RNGTT: variants seen among roughly 807,000 people sequenced by gnomAD.
RNGTT encodes the protein RNA guanylyltransferase and 5'-phosphatase.
Under a neutral mutation model 79.3 loss-of-function variants are expected in RNGTT, and 33 were observed. That is an observed-to-expected ratio of 0.42 (90% CI 0.32 to 0.56). The LOEUF (loss-of-function observed/expected upper bound fraction) is 0.56. Among genes scored for constraint, RNGTT ranks in the 20% least tolerant of loss-of-function variants. The probability of loss-of-function intolerance (pLI) is 0.17; values close to 1 mark genes in which losing one functional copy is unlikely to be tolerated. For missense variants in RNGTT, 497 were observed against 739.1 expected (o/e 0.67, Z 3.80); for synonymous variants, 222 against 235.9 (o/e 0.94, Z 0.54).
intron 13 of RNGTT, among the ~76,000 whole-genome samples, chr6:88,710,138 T>C (rs1776269603): frequency 6.6e-6 from 1 of 152,218 alleles, no homozygotes; most frequent in African/African-American, 2.4e-5. Flanking sequence ...AGTGCACCTA[T>C]AGTCCCAGCT....
At chr6:88,769,703 T>C (rs528673479) in intron 13 of RNGTT, 71 bp downstream of exon 13, 147 of 825,108 alleles carry the variant, frequency 1.8e-4, no homozygotes, top group Admixed American at 5.2e-4. Context: ...ATATATGAAA[T>C]ACCCTGTAAA....
chr6:88,706,261 G>C (rs1776127011), intron 13 of RNGTT, among the ~76,000 whole-genome samples: 1 of 151,998 alleles, frequency 6.6e-6, no homozygotes, highest in Non-Finnish European at 1.5e-5. Flanking sequence ...AAATAACTCT[G>C]TATTTGGTGG....
At chr6:88,632,233 A>G (rs1772918452) in intron 14 of RNGTT, among the ~76,000 whole-genome samples, 1 of 152,292 alleles carries the variant, frequency 6.6e-6, no homozygotes, top group Non-Finnish European at 1.5e-5. Context: ...AAGTGCTGTG[A>G]TTACAGACAT....
chr6:88,615,510 TA>T (rs1470113146), intron 14 of RNGTT, among the ~76,000 whole-genome samples: 1 of 152,180 alleles, frequency 6.6e-6, no homozygotes, highest in Admixed American at 6.5e-5. Flanking sequence ...AAAAAAGTGA[TA>T]TTCCAAGTAG....
At chr6:88,930,129 T>C (rs1380941663) in intron 2 of RNGTT, among the ~76,000 whole-genome samples, 1 of 141,900 alleles carries the variant, frequency 7.0e-6, no homozygotes, top group Non-Finnish European at 1.5e-5. Flanking sequence ...TATATACACG[T>C]ATACATACAT....
At chr6:88,860,572 T>C (rs1374462920) in intron 8 of RNGTT, among the ~76,000 whole-genome samples, 2 of 152,216 alleles carry the variant, frequency 1.3e-5, no homozygotes, top group African/African-American at 4.8e-5. Flanking sequence ...TGCCCTGACC[T>C]TGGCTCTGGT....
intron 14 of RNGTT, among the ~76,000 whole-genome samples, chr6:88,627,813 G>A (rs904814819): frequency 1.3e-5 from 2 of 152,018 alleles, no homozygotes; most frequent in African/African-American, 4.8e-5. Flanking sequence ...ATGTTCTCGT[G>A]GTGATCTGGA....
intron 14 of RNGTT, among the ~76,000 whole-genome samples, chr6:88,631,224 A>G (rs1772870748): frequency 6.6e-6 from 1 of 152,252 alleles, no homozygotes; most frequent in African/African-American, 2.4e-5. Context: ...CTTAGTTTGT[A>G]GCATGTACTA....
chr6:88,844,595 C>A (rs2127901038), intron 10 of RNGTT, 74 bp from the exon 11 acceptor site: 1 of 1,383,640 alleles, frequency 7.2e-7, no homozygotes, highest in Non-Finnish European at 1.0e-6. Flanking sequence ...AAGGCTGCCA[C>A]AATGTACATA....
intron 11 of RNGTT, among the ~76,000 whole-genome samples, chr6:88,833,134 T>G (rs984112066): frequency 6.6e-6 from 1 of 152,194 alleles, no homozygotes; most frequent in Non-Finnish European, 1.5e-5. Flanking sequence ...TGTATGTTTA[T>G]TGCAGCACTA....
At chr6:88,660,217 C>T (rs561242117) in intron 14 of RNGTT, among the ~76,000 whole-genome samples, 49 of 152,188 alleles carry the variant, frequency 3.2e-4, no homozygotes, top group Admixed American at 2.6e-3. Flanking sequence ...CTCACAGGGC[C>T]TATAAAACAA....
chr6:88,853,504 C>CAAAA (rs878907929), intron 9 of RNGTT, 125 bp downstream of exon 9: 38 of 443,156 alleles, frequency 8.6e-5, no homozygotes, highest in Middle Eastern at 6.3e-4. Flanking sequence ...GACTCCGTCT[C>CAAAA]AAAAAAAAAA....
chr6:88,900,121 T>C (rs1055829705), intron 6 of RNGTT, among the ~76,000 whole-genome samples: 4 of 131,134 alleles, frequency 3.1e-5, no homozygotes, highest in Admixed American at 2.3e-4. Flanking sequence ...CAATCAAAAA[T>C]ACTCAAATAT....
chr6:88,681,452 C>T (rs1031056633), intron 13 of RNGTT, among the ~76,000 whole-genome samples: 2 of 151,950 alleles, frequency 1.3e-5, no homozygotes, highest in African/African-American at 4.8e-5. Context: ...ATTATATTAC[C>T]ACCTTTGTTT....
chr6:88,665,185 C>T (rs1164360290), intron 14 of RNGTT, among the ~76,000 whole-genome samples: 1 of 152,130 alleles, frequency 6.6e-6, no homozygotes, highest in Non-Finnish European at 1.5e-5. Flanking sequence ...CTAACCAAAC[C>T]AGGCAAAGAG....
At chr6:88,771,368 C>T (rs1342121563) in intron 12 of RNGTT, among the ~76,000 whole-genome samples, 4 of 141,328 alleles carry the variant, frequency 2.8e-5, no homozygotes, top group Admixed American at 7.0e-5. Context: ...CACACACACA[C>T]ACAATTTCTT....
Position 88,711,554 on chromosome 6 carries a change from T to C in RNGTT, c.1440-33135A>G, listed in dbSNP as rs888199834. Among the ~76,000 whole-genome samples, 46 of 152,236 alleles carry C rather than the reference T, an allele frequency of 3.0e-4. 3 individuals carry two copies. Among genetic ancestry groups the C allele is most frequent in the Non-Finnish European group, 5.9e-5 (4 of 68,046 alleles). ...TCTATATAACAATTCCATGCAATTC[T>C]GCTTAGTGGGTCTTAGACTATCAAT... On this transcript the variant is annotated intron_variant, in intron 13 of 15. Coordinates refer to ENST00000369485, the MANE Select transcript of RNGTT (RefSeq NM_003800.5).
At position 88,725,948 on chromosome 6, in the gene RNGTT, G is replaced by GGA. The variant is rs756953823; in HGVS notation, c.1439+43824_1439+43825dup. Among the ~76,000 whole-genome samples, 4 of 150,292 alleles carry GGA rather than the reference G, an allele frequency of 2.7e-5. No homozygotes were observed. In the East Asian group the frequency reaches 5.9e-4, roughly 22 times the overall value. ...GAGAGAAAGAGACAGAGAGTCAGAG[G>GGA]GAGAGAGAGAGAGAAAGAGAGAGAC... On this transcript the variant is annotated intron_variant, in intron 13 of 15. Coordinates refer to ENST00000369485, the MANE Select transcript of RNGTT (RefSeq NM_003800.5).
At chr6:88,929,879 TAC>T (rs1285349944) in intron 2 of RNGTT, among the ~76,000 whole-genome samples, 1 of 142,644 alleles carries the variant, frequency 7.0e-6, no homozygotes, top group African/African-American at 2.6e-5. Context: ...CATATATACA[TAC>T]ACACATATAT....
Sources: gnomAD v4.1 joint callset for allele counts (sites outside exome capture counted in the v4.1 genomes callset) on GRCh38, gnomAD v4.1.1 for gene constraint, MANE v1.5 for transcripts, NCBI Gene and HGNC (gene_info 2026-07-23, HGNC 2026-07-21) for gene names.